USP7: variants seen among roughly 807,000 people sequenced by gnomAD.
USP7 encodes the protein ubiquitin C-terminal hydrolase 7.
In USP7, 9 loss-of-function variants were observed where a neutral mutation model predicts 162.9. That is an observed-to-expected ratio of 0.06 (90% CI 0.03 to 0.10). The LOEUF (loss-of-function observed/expected upper bound fraction) is 0.10. Among genes scored for constraint, USP7 ranks in the 10% least tolerant of loss-of-function variants. USP7 has a pLI of 1.00. For synonymous variants in USP7, 562 were observed against 475.9 expected, an observed-to-expected ratio of 1.18 and a Z score of -2.35; for missense variants, 715 against 1,373.7, an observed-to-expected ratio of 0.52 and a Z score of 7.58.
intron 1 of USP7, chr16:8,962,971 C>G (rs1422661390): frequency 1.3e-5 from 3 of 230,454 alleles, no homozygotes; most frequent in African/African-American, 6.9e-5. Flanking sequence ...CGCGGAGGCC[C>G]GGCGGACGCG....
At chr16:8,899,554 T>G in intron 22 of USP7, 50 bp downstream of exon 22, 1 of 1,595,056 alleles carries the variant, frequency 6.3e-7, no homozygotes, top group Non-Finnish European at 8.6e-7. Context: ...AGAAAGAAAT[T>G]TGTCTTTCTG....
chr16:8,954,752 G>A (rs563552782), intron 1 of USP7, among the ~76,000 whole-genome samples: 165 of 152,132 alleles, frequency 1.1e-3, no homozygotes, highest in African/African-American at 3.6e-3. Context: ...TGAGGTGGGT[G>A]GATCAGGAGA....
intron 1 of USP7, among the ~76,000 whole-genome samples, chr16:8,934,525 G>C (rs1193107905): frequency 6.6e-6 from 1 of 152,254 alleles, no homozygotes; most frequent in Admixed American, 6.5e-5. Context: ...TAATTGCAGT[G>C]TGATGACTAA....
chr16:8,922,319 T>C (rs1361772572), intron 3 of USP7, among the ~76,000 whole-genome samples: 1 of 152,116 alleles, frequency 6.6e-6, no homozygotes, highest in African/African-American at 2.4e-5. Context: ...TGAAACCCCG[T>C]CCCTATGAAA....
Position 8,905,437 on chromosome 16 carries a change from T to C in USP7, c.1429-106A>G, listed in dbSNP as rs967439117. The C allele has an allele frequency of 8.6e-6, 12 of 1,400,430 alleles. No individual in the cohort carries two copies. The South Asian group carries it at 1.4e-4, about 16-fold the overall frequency. The allele number at this position is 1,400,430 out of a possible 1,614,324, so 86.8% of individuals were successfully genotyped here. A position where few individuals can be genotyped will look rare whatever the true frequency, so the allele number is the denominator to read the frequency against. ...ATGTGTGAACTTCTAGGTATGCCCC[T>C]AGTTGAAAAAATATCCATGTGTGTT... On this transcript the variant is annotated intron_variant, in intron 13 of 30. Coordinates refer to ENST00000344836, the MANE Select transcript of USP7 (RefSeq NM_003470.3).
chr16:8,902,558 T>C, intron 16 of USP7, 76 bp from the exon 17 acceptor site: 1 of 1,125,020 alleles, frequency 8.9e-7, no homozygotes, highest in Non-Finnish European at 1.3e-6. Flanking sequence ...CACACATATG[T>C]ATATACATAT....
chr16:8,930,042 T>TA (rs1555467695), intron 2 of USP7, among the ~76,000 whole-genome samples: 1 of 152,146 alleles, frequency 6.6e-6, no homozygotes, highest in Non-Finnish European at 1.5e-5. Context: ...CAGGAGTAAA[T>TA]ACCCACCTAT....
chr16:8,893,867 T>A lies in USP7; in HGVS notation c.*131A>T, dbSNP rs11551181. ...GAGAAGCCAAACTGAACAGCCTCAA[T>A]AAAATAAAATTAACACCAGCAGCGA... On this transcript the variant is annotated 3_prime_UTR_variant, in exon 31 of 31. Transcript: ENST00000344836. 3.9e-6 allele frequency: 3 copies of A among 777,860 alleles called. No individual in the cohort carries two copies. The African/African-American group carries it at 5.2e-5, about 13-fold the overall frequency. 48.2% of individuals were successfully genotyped at this position (777,860 alleles called of 1,614,324 possible).
intron 1 of USP7, among the ~76,000 whole-genome samples, chr16:8,942,251 G>A (rs1899081027): frequency 1.3e-5 from 2 of 152,248 alleles, no homozygotes; most frequent in African/African-American, 4.8e-5. Context: ...GTCCTTGGGA[G>A]GTACTGGGAC....
chr16:8,945,924 T>C (rs1430783609), intron 1 of USP7, among the ~76,000 whole-genome samples: 1 of 151,876 alleles, frequency 6.6e-6, no homozygotes, highest in South Asian at 2.1e-4. Flanking sequence ...ACAGCACTGA[T>C]TGAGAAATCA....
intron 1 of USP7, among the ~76,000 whole-genome samples, chr16:8,955,152 G>A (rs529460341): frequency 1.2e-4 from 18 of 152,104 alleles, no homozygotes; most frequent in Non-Finnish European, 1.9e-4. Context: ...AAGAATAACC[G>A]CTGAAATGTA....
chr16:8,894,848 T>C lies in USP7; in HGVS notation c.3047A>G (p.His1016Arg), dbSNP rs77998839. The C allele has an allele frequency of 1.2e-6, 2 of 1,614,136 alleles. No individual in the cohort carries two copies. Among genetic ancestry groups the C allele is most frequent in the Non-Finnish European group, 1.7e-6 (2 of 1,180,030 alleles). ...PFLLRIHQGE[H>R]FREVMKRIQS... ...GATTCGCTTCATCACTTCTCGAAAATGCTCGCCCTAGAATGGCAAAGGACA... is the reference window on the plus strand; with the variant it reads ...GATTCGCTTCATCACTTCTCGAAAACGCTCGCCCTAGAATGGCAAAGGACA... The change falls in exon 29 of 31, where the codon CAT (histidine) becomes CGT (arginine). Residue 1016 changes from histidine (H) to arginine (R), a missense_variant. This residue lies in a region of USP7 where 222 missense variants were observed against 441.7 expected (regional missense o/e 0.50). Coordinates refer to ENST00000344836, the MANE Select transcript of USP7 (RefSeq NM_003470.3).
chr16:8,923,881 C>T (rs1897846112), intron 2 of USP7, among the ~76,000 whole-genome samples: 1 of 152,146 alleles, frequency 6.6e-6, no homozygotes, highest in Non-Finnish European at 1.5e-5. Context: ...AACAGCCATT[C>T]CCCTGGAAGC....
At chr16:8,903,444 A>C in intron 15 of USP7, 42 bp from the exon 16 acceptor site, 2 of 1,597,274 alleles carry the variant, frequency 1.3e-6, no homozygotes, top group Non-Finnish European at 1.7e-6. Context: ...TTGACAACTG[A>C]CAAAAAATGA....
chr16:8,902,731 T>C (rs1399440220), intron 16 of USP7, among the ~76,000 whole-genome samples: 1 of 151,942 alleles, frequency 6.6e-6, no homozygotes, highest in Admixed American at 6.6e-5. Flanking sequence ...CTACTAAAAA[T>C]ACAAAAATCA....
Position 8,893,073 on chromosome 16 carries a change from T to A in USP7, c.*925A>T, listed in dbSNP as rs942874385. On this transcript the variant is annotated 3_prime_UTR_variant, in exon 31 of 31. Transcript: ENST00000344836. ...CCAACAAAAAGGAACCTCCTCCCAG[T>A]GGCAAATTGTACATGTTCATTCATT... 1.3e-5 allele frequency: 2 copies of A among 152,236 alleles called. No homozygotes were observed. The highest frequency in any genetic ancestry group is 4.8e-5 in the African/African-American group (2 of 41,460). The allele number at this position is 152,236 out of a possible 1,614,324, so 9.4% of individuals were successfully genotyped here. A position where few individuals can be genotyped will look rare whatever the true frequency, so the allele number is the denominator to read the frequency against.
At chr16:8,923,897 A>G (rs1159892311) in intron 2 of USP7, among the ~76,000 whole-genome samples, 1 of 152,202 alleles carries the variant, frequency 6.6e-6, no homozygotes. Flanking sequence ...GAAGCTCAGC[A>G]CTGCTCAGAG....
At chr16:8,955,105 T>C (rs1446756373) in intron 1 of USP7, among the ~76,000 whole-genome samples, 2 of 152,290 alleles carry the variant, frequency 1.3e-5, no homozygotes, top group Non-Finnish European at 2.9e-5. Flanking sequence ...CTGCAGTTTC[T>C]GCAATTCTTT....
intron 3 of USP7, among the ~76,000 whole-genome samples, chr16:8,921,933 T>C (rs944890256): frequency 1.3e-5 from 2 of 152,226 alleles, no homozygotes; most frequent in African/African-American, 2.4e-5. Flanking sequence ...AAGCTGCAAC[T>C]GAGCCCTGAA....
Sources: allele counts gnomAD v4.1 joint callset (sites outside exome capture counted in the v4.1 genomes callset), GRCh38; gene constraint gnomAD v4.1.1; regional missense constraint gnomAD v4.1.1; transcripts MANE v1.5; gene names NCBI Gene and HGNC (gene_info 2026-07-23, HGNC 2026-07-21).